Variants in GPR143 observed in about 807,000 individuals in gnomAD.
GPR143 encodes G protein-coupled receptor 143.
GPR143 carries 8 observed loss-of-function variants against 27.6 expected under a neutral mutation model. The ratio of observed to expected loss-of-function variants is 0.29; its 90% CI spans 0.17 to 0.52. GPR143 has a LOEUF of 0.52. Ranked by LOEUF, GPR143 falls within the 20% of genes least tolerant of loss-of-function variation. GPR143 has a pLI of 0.96. For synonymous variants in GPR143, 156 were observed against 153.2 expected, an observed-to-expected ratio of 1.02 and a Z score of -0.13; for missense variants, 303 against 343.1, an observed-to-expected ratio of 0.88 and a Z score of 0.92.
chrX:9,775,882 T>C lies in GPR143; in HGVS notation c.-3+10360A>G, dbSNP rs182814989. Reference sequence around the variant, plus strand: ...GACATGCCTATACACATATTACATATTTAGCACATTATACTAACACATTAA... The same window carrying C: ...GACATGCCTATACACATATTACATACTTAGCACATTATACTAACACATTAA... On this transcript the variant is annotated intron_variant, in intron 1 of 7. Transcript: ENST00000447366. Among the ~76,000 whole-genome samples, 19 of 112,104 alleles carry C rather than the reference T, an allele frequency of 1.7e-4. No individual in the cohort carries two copies. The South Asian group carries it at 1.9e-3, about 11-fold the overall frequency.
At chrX:9,727,679 C>T (rs763948104) in intron 8 of GPR143, among the ~76,000 whole-genome samples, 16 of 112,830 alleles carry the variant, frequency 1.4e-4, no homozygotes, top group East Asian at 2.8e-4. Context: ...TTGCTCCAGC[C>T]GCAACACAGG....
chrX:9,752,640 C>T (rs1189469336), intron 3 of GPR143, among the ~76,000 whole-genome samples: 1 of 111,340 alleles, frequency 9.0e-6, no homozygotes, highest in Non-Finnish European at 1.9e-5. Flanking sequence ...AGGACGTAAC[C>T]CACCATTGCT....
intron 3 of GPR143, among the ~76,000 whole-genome samples, chrX:9,756,041 C>T (rs1173279490): frequency 1.8e-5 from 2 of 111,560 alleles, no homozygotes; most frequent in Non-Finnish European, 3.8e-5. Context: ...GCCAGAGAGA[C>T]CAAAGTTGAT....
At chrX:9,754,611 A>G (rs148042778) in intron 3 of GPR143, among the ~76,000 whole-genome samples, 9 of 111,428 alleles carry the variant, frequency 8.1e-5, no homozygotes, top group South Asian at 3.8e-4. Flanking sequence ...CCTTGGTCCC[A>G]ACATCCTGCC....
At chrX:9,754,650 C>A (rs1046705983) in intron 3 of GPR143, among the ~76,000 whole-genome samples, 1 of 111,202 alleles carries the variant, frequency 9.0e-6, no homozygotes, top group African/African-American at 3.3e-5. Context: ...AAATGAACTC[C>A]CAAATACTAT....
chrX:9,757,800 T>A (rs1341688826), intron 3 of GPR143, among the ~76,000 whole-genome samples: 1 of 111,638 alleles, frequency 9.0e-6, no homozygotes, highest in Admixed American at 9.6e-5. Context: ...AGATAGGGTC[T>A]CACTCTGTCG....
rs57462205 is a variant in GPR143 at position 9,728,639 on chromosome X, T to TAAAAAAAAAAAAAAAA, written c.1121-2815_1121-2800dup. ...CCTGGGCAACATAGACCCTATCTCT[T>TAAAAAAAAAAAAAAAA]AAAAAAAAAAAAAAAAAAAAAAAAA... On this transcript the variant is annotated intron_variant, in intron 8 of 8. Transcript: ENST00000467482. Among the ~76,000 whole-genome samples the TAAAAAAAAAAAAAAAA allele has an allele frequency of 2.1e-4, 4 of 19,220 alleles. 1 individual carries two copies. The highest frequency in any genetic ancestry group is 7.3e-4 in the African/African-American group (4 of 5,462). 16.7% of individuals were successfully genotyped at this position (19,220 alleles called of 115,157 possible).
chrX:9,772,058 G>A (rs1397385774), intron 1 of GPR143, among the ~76,000 whole-genome samples: 2 of 111,351 alleles, frequency 1.8e-5, no homozygotes, highest in East Asian at 2.8e-4. Context: ...ATCATTAGTC[G>A]GAGAATGGTG....
At chrX:9,740,015 CAA>C (rs2083395876) in intron 7 of GPR143, among the ~76,000 whole-genome samples, 2 of 102,034 alleles carry the variant, frequency 2.0e-5, no homozygotes, top group African/African-American at 7.3e-5. Context: ...GGACAGAGGA[CAA>C]GAGAGAGGAG....
At chrX:9,766,004 G>A (rs2083531636), upstream of GPR143, 2 of 330,620 alleles carry the variant, frequency 6.0e-6, no homozygotes, top group African/African-American at 2.7e-5. Context: ...GAGGCCTCAC[G>A]AGGTGATGCT....
At chrX:9,728,424 A>G (rs1256163606) in intron 8 of GPR143, among the ~76,000 whole-genome samples, 12 of 107,612 alleles carry the variant, frequency 1.1e-4, no homozygotes, top group Non-Finnish European at 2.3e-4. Flanking sequence ...TTAGAGTTAT[A>G]TAGAAAAGAG....
intron 1 of GPR143, among the ~76,000 whole-genome samples, chrX:9,764,897 C>T (rs1445944149): frequency 9.2e-6 from 1 of 108,852 alleles, no homozygotes; most frequent in Non-Finnish European, 1.9e-5. Context: ...CATGGTGGCG[C>T]GCGCCTCCCC....
intron 7 of GPR143, chrX:9,740,990 C>A (rs2083401140): frequency 3.4e-6 from 1 of 291,604 alleles, no homozygotes; most frequent in African/African-American, 2.8e-5. Context: ...AGCCAGCTAG[C>A]ACACTAAGGC....
chrX:9,752,868 A>G (rs2083457209), intron 3 of GPR143, among the ~76,000 whole-genome samples: 1 of 110,318 alleles, frequency 9.1e-6, no homozygotes, highest in African/African-American at 3.3e-5. Flanking sequence ...AGAAAGAAAA[A>G]AAAAGGAATA....
chrX:9,725,693 C>T lies in GPR143; in HGVS notation c.*53G>A. Reference sequence around the variant, plus strand: ...AAGGTGAGAACACAGTTCTAAAGAACAAGAATTGTTGAGTCTGAGGAATAT... The same window carrying T: ...AAGGTGAGAACACAGTTCTAAAGAATAAGAATTGTTGAGTCTGAGGAATAT... On this transcript the variant is annotated 3_prime_UTR_variant, in exon 9 of 9. Coordinates refer to ENST00000467482, the MANE Select transcript of GPR143 (RefSeq NM_000273.3). 2.1e-6 allele frequency: 2 copies of T among 939,626 alleles called. No homozygotes were observed. The highest frequency in any genetic ancestry group is 2.6e-4 in the Middle Eastern group (1 of 3,840). The allele number at this position is 939,626 out of a possible 1,213,427, so 77.4% of individuals were successfully genotyped here.
At chrX:9,746,841 C>G (rs183717437) in intron 4 of GPR143, among the ~76,000 whole-genome samples, 1 of 108,272 alleles carries the variant, frequency 9.2e-6, no homozygotes, top group East Asian at 2.9e-4. Flanking sequence ...GAAGAGGAAA[C>G]TGAAGGCAAA....
intron 3 of GPR143, among the ~76,000 whole-genome samples, chrX:9,749,220 T>C (rs2083441209): frequency 3.3e-5 from 3 of 90,868 alleles, no homozygotes; most frequent in African/African-American, 2.4e-4. Flanking sequence ...TATAAGGGGA[T>C]TTCCCTCCCC....
chrX:9,725,891 G>GTCA (rs767161702), intron 8 of GPR143, 51 bp from the exon 9 acceptor site: 1 of 1,075,116 alleles, frequency 9.3e-7, no homozygotes, highest in Non-Finnish European at 1.2e-6. Flanking sequence ...TAGCAGGTTT[G>GTCA]TCATCAGCTT....
At chrX:9,761,900 C>T (rs1329453527) in intron 1 of GPR143, among the ~76,000 whole-genome samples, 2 of 111,518 alleles carry the variant, frequency 1.8e-5, no homozygotes, top group Admixed American at 9.6e-5. Context: ...GAGATGACAC[C>T]AGCCTGGCAA....
Sources: gnomAD v4.1 joint callset for allele counts (sites outside exome capture counted in the v4.1 genomes callset) on GRCh38, gnomAD v4.1.1 for gene constraint, MANE v1.5 for transcripts, NCBI Gene and HGNC (gene_info 2026-07-23, HGNC 2026-07-21) for gene names.